WDR49: variants seen among roughly 807,000 people sequenced by gnomAD.
WDR49 encodes WD repeat domain 49, also known as cilia- and flagella-associated protein 337.
In WDR49, 107 loss-of-function variants were observed where a neutral mutation model predicts 119.5. The observed-to-expected ratio is 0.90, with a 90% CI of 0.77 to 1.05. The LOEUF (loss-of-function observed/expected upper bound fraction) is 1.05. WDR49 is among the 50% of genes least tolerant of loss of function. The probability of loss-of-function intolerance (pLI) is 0.00; values close to 1 mark genes in which losing one functional copy is unlikely to be tolerated. For synonymous variants in WDR49, 425 were observed against 418.8 expected (o/e 1.01, Z -0.18); for missense variants, 1,240 against 1,220.5 (o/e 1.02, Z -0.24).
At chr3:167,506,317 G>C (rs1365474691) in intron 16 of WDR49, among the ~76,000 whole-genome samples, 1 of 152,116 alleles carries the variant, frequency 6.6e-6, no homozygotes, top group Non-Finnish European at 1.5e-5. Context: ...TGGGACTCTT[G>C]CTGTGGATTT....
chr3:167,599,378 A>G (rs921442060), intron 7 of WDR49, among the ~76,000 whole-genome samples: 5 of 152,150 alleles, frequency 3.3e-5, no homozygotes, highest in Admixed American at 6.5e-5. Flanking sequence ...CCACTGTCCC[A>G]TGGGGAGAAC....
Position 167,653,419 on chromosome 3 carries a change from A to G in WDR49, c.7T>C (p.Cys3Arg), listed in dbSNP as rs1323467354. Residue 3 changes from cysteine (C) to arginine (R), a missense_variant, in exon 2 of 19, where the codon TGC (cysteine) becomes CGC (arginine). By Grantham distance (180) the Cys-to-Arg change is radical. Transcript: ENST00000682715. ...TTTAACTCAAGTACAGCTTTCTGGC[A>G]ACTCATAATGGCTTCACCTTTTCTC... The part of the protein sequence containing the change: MS[C>R]QKAVLELNIG... 6.6e-7 allele frequency: 1 copy of G among 1,521,314 alleles called. No homozygotes were observed. The highest frequency in any genetic ancestry group is 1.4e-5 in the African/African-American group (1 of 72,294). 94.2% of individuals were successfully genotyped at this position (1,521,314 alleles called of 1,614,324 possible).
In WDR49 at chr3:167,620,479, C is replaced by A. The variant is rs2108321229; in HGVS notation, c.908G>T (p.Cys303Phe). ...AAGTTTATGCTCTAATATATGGCAA[C>A]ATTTGTGACATCCAGAGAGCAGCTC... ...WAELLSGCHKCCHILEHKLHQ... is the reference protein window; with the variant it reads ...WAELLSGCHKFCHILEHKLHQ... Residue 303 changes from cysteine to phenylalanine, a missense_variant, in exon 5 of 19, where the codon TGT becomes TTT. Cys to Phe is a radical substitution (Grantham distance 205, BLOSUM62 -2). Transcript: ENST00000682715. The A allele has an allele frequency of 6.5e-7, 1 of 1,536,134 alleles. No individual in the cohort carries two copies. The highest frequency in any genetic ancestry group is 8.7e-7 in the Non-Finnish European group (1 of 1,146,714).
At chr3:167,508,464 T>C (rs1751851944) in intron 16 of WDR49, among the ~76,000 whole-genome samples, 1 of 152,174 alleles carries the variant, frequency 6.6e-6, no homozygotes, top group East Asian at 1.9e-4. Context: ...ACAGTGAGAA[T>C]TAAATGAGGT....
intron 2 of WDR49, among the ~76,000 whole-genome samples, chr3:167,651,268 T>C (rs906135427): frequency 1.3e-5 from 2 of 152,188 alleles, no homozygotes; most frequent in Admixed American, 1.3e-4. Flanking sequence ...TAAAGGAATC[T>C]GGTGCCAGAA....
chr3:167,650,186 CT>C (rs1267703415), intron 2 of WDR49, among the ~76,000 whole-genome samples: 1 of 152,194 alleles, frequency 6.6e-6, no homozygotes, highest in Admixed American at 6.5e-5. Flanking sequence ...AAAATTTTTA[CT>C]TCTCACCACT....
chr3:167,508,330 T>A (rs566391164), intron 16 of WDR49, among the ~76,000 whole-genome samples: 6 of 152,350 alleles, frequency 3.9e-5, no homozygotes, highest in African/African-American at 1.4e-4. Flanking sequence ...GGAGGCTGAA[T>A]GCCTGCATTT....
chr3:167,532,832 C>T (rs1328777526), intron 12 of WDR49, 47 bp downstream of exon 12: 2 of 1,420,574 alleles, frequency 1.4e-6, no homozygotes, highest in African/African-American at 1.4e-5. Flanking sequence ...ACCAGGCCTA[C>T]TGTGATTTGA....
In WDR49 at chr3:167,478,837, T is replaced by C. The variant is rs1750576860; in HGVS notation, c.*41A>G. The stretch of plus-strand genomic sequence containing the variant: ...TTCTTGATGCTTTTTCTGCATTTTA[T>C]ATCTGTACCTTATGTAACAGTGAAG... On this transcript the variant is annotated 3_prime_UTR_variant, in exon 19 of 19. Coordinates refer to ENST00000682715, the MANE Select transcript of WDR49 (RefSeq NM_001366157.1). 3 of 1,355,222 alleles carry C rather than the reference T, an allele frequency of 2.2e-6. No individual in the cohort carries two copies. The highest frequency in any genetic ancestry group is 1.3e-5 in the South Asian group (1 of 76,026). 83.9% of individuals were successfully genotyped at this position (1,355,222 alleles called of 1,614,324 possible).
At chr3:167,541,247 T>C (rs1711806317) in intron 10 of WDR49, among the ~76,000 whole-genome samples, 2 of 152,016 alleles carry the variant, frequency 1.3e-5, no homozygotes, top group Non-Finnish European at 2.9e-5. Context: ...AGGCACATAA[T>C]CATCAGGTTA....
chr3:167,491,493 C>CTCTTT (rs1428183653), intron 18 of WDR49, among the ~76,000 whole-genome samples: 2 of 152,184 alleles, frequency 1.3e-5, no homozygotes, highest in South Asian at 4.1e-4. Flanking sequence ...AAGCTCAGAC[C>CTCTTT]TCTTTTCTTT....
rs193029545 is a variant in WDR49, at chr3:167,511,844, G to A, written c.2775-6428C>T. ...TGCAGCACAGTGGCTGTGGCAGATC[G>A]TGGCCAACTGCTTCTTTAGGTGGGA... On this transcript the variant is annotated intron_variant, in intron 16 of 18. Transcript: ENST00000682715. Among the ~76,000 whole-genome samples, 245 of 152,304 alleles carry A rather than the reference G, an allele frequency of 1.6e-3. 4 individuals carry two copies. In the East Asian group the frequency reaches 0.031, roughly 19 times the overall value.
Position 167,604,461 on chromosome 3 carries a change from G to A in WDR49, c.966C>T (p.Tyr322=), listed in dbSNP as rs1244408840. The change falls in exon 6 of 19, where the codon TAC becomes TAT. Residue 322 remains tyrosine (Y), a synonymous_variant. Transcript: ENST00000682715. ...HQGDWVRQVT[Y]NASLDAIISS... ...AAATGATAGCGTCTAAAGATGCATT[G>A]TAAGTAACTGATAAAAAATTAAAAA... is the stretch of plus-strand genomic sequence containing the variant. 6.3e-7 allele frequency: 1 copy of A among 1,597,418 alleles called. No homozygotes were observed. Among genetic ancestry groups the A allele is most frequent in the African/African-American group, 1.4e-5 (1 of 73,992 alleles).
At chr3:167,630,416 C>A (rs1452837965) in intron 2 of WDR49, among the ~76,000 whole-genome samples, 5 of 152,138 alleles carry the variant, frequency 3.3e-5, no homozygotes, top group South Asian at 4.1e-4. Flanking sequence ...TTTATTTGCT[C>A]TAGGAAACCA....
intron 7 of WDR49, among the ~76,000 whole-genome samples, chr3:167,593,171 T>C (rs1165401239): frequency 6.6e-6 from 1 of 152,104 alleles, no homozygotes; most frequent in Admixed American, 6.6e-5. Context: ...TCTCTGTTAT[T>C]ATCCCTTTGA....
chr3:167,549,472 T>A (rs1212765653), intron 10 of WDR49, among the ~76,000 whole-genome samples: 1 of 152,230 alleles, frequency 6.6e-6, no homozygotes, highest in Non-Finnish European at 1.5e-5. Flanking sequence ...CATGTGTCTG[T>A]TGGCTGCATA....
At chr3:167,530,881 G>A (rs1374200534) in intron 13 of WDR49, among the ~76,000 whole-genome samples, 2 of 151,978 alleles carry the variant, frequency 1.3e-5, no homozygotes, top group Non-Finnish European at 2.9e-5. Context: ...TTCCCATCTT[G>A]ATCTTGACAT....
chr3:167,572,639 G>T (rs1017244244), intron 8 of WDR49, among the ~76,000 whole-genome samples: 3 of 152,190 alleles, frequency 2.0e-5, no homozygotes, highest in African/African-American at 7.2e-5. Context: ...GTTAGGAGCT[G>T]TGGGAAAATA....
chr3:167,531,244 T>C lies in WDR49; in HGVS notation c.2089A>G (p.Ser697Gly). ...TCTGCCATGGGGTGGGAGGGTTGGC[T>C]TCTCCCAGCACTGAGAAGTTTTTGA... ...KPQKLLSAGRSQPSHPMADHS... is the reference protein window; with the variant it reads ...KPQKLLSAGRGQPSHPMADHS... Residue 697 changes from serine to glycine, a missense_variant, in exon 13 of 19, where the codon AGC (serine) becomes GGC (glycine). By Grantham distance (56) the Ser-to-Gly change is moderately conservative. Coordinates refer to ENST00000682715, the MANE Select transcript of WDR49 (RefSeq NM_001366157.1). The C allele has an allele frequency of 6.2e-7, 1 of 1,611,446 alleles. No individual in the cohort carries two copies. Among genetic ancestry groups the C allele is most frequent in the Non-Finnish European group, 8.5e-7 (1 of 1,179,530 alleles).
Sources: gnomAD v4.1 joint callset for allele counts (sites outside exome capture counted in the v4.1 genomes callset) on GRCh38, gnomAD v4.1.1 for gene constraint, MANE v1.5 for transcripts, NCBI Gene and HGNC (gene_info 2026-07-23, HGNC 2026-07-21) for gene names.